Variants in LAMA2 observed in about 807,000 individuals in gnomAD.
LAMA2 encodes laminin subunit alpha-2.
A neutral mutation model predicts 364.8 loss-of-function variants in LAMA2; 269 were observed. That is an observed-to-expected ratio of 0.74 (90% CI 0.67 to 0.82). The LOEUF (loss-of-function observed/expected upper bound fraction) is 0.82, where lower values mean the gene tolerates loss of function less well. Ranked by LOEUF, LAMA2 falls within the 40% of genes least tolerant of loss-of-function variation. LAMA2 has a pLI of 0.00. For synonymous variants in LAMA2, 1,379 were observed against 1,370.6 expected (o/e 1.01, Z -0.14); for missense variants, 3,807 against 3,873.2 (o/e 0.98, Z 0.45).
At chr6:129,383,484 G>A (rs576163102) in intron 35 of LAMA2, among the ~76,000 whole-genome samples, 3 of 152,100 alleles carry the variant, frequency 2.0e-5, no homozygotes, top group Non-Finnish European at 2.9e-5. Flanking sequence ...TTGTAACATG[G>A]CTATTATAAT....
At chr6:129,445,453 T>C (rs971336058) in intron 44 of LAMA2, among the ~76,000 whole-genome samples, 1 of 152,214 alleles carries the variant, frequency 6.6e-6, no homozygotes, top group Non-Finnish European at 1.5e-5. Flanking sequence ...AAAGAAAAAG[T>C]GGTGGCCCTC....
intron 12 of LAMA2, among the ~76,000 whole-genome samples, chr6:129,230,560 C>G (rs768772407): frequency 2.0e-5 from 3 of 151,844 alleles, no homozygotes; most frequent in Non-Finnish European, 2.9e-5. Flanking sequence ...AGTATGAGAA[C>G]ATGGGAGGAA....
At chr6:128,957,836 A>ATTTTTTTTTTTTTTTTTTTTTTTTTCCT (rs10652900) in intron 1 of LAMA2, among the ~76,000 whole-genome samples, 1 of 51,264 alleles carries the variant, frequency 2.0e-5, no homozygotes, top group Non-Finnish European at 3.4e-5. Context: ...TACTTCATGC[A>ATTTTTTTTTTTTTTTTTTTTTTTTTCCT]TTTTTTTTTT....
intron 1 of LAMA2, among the ~76,000 whole-genome samples, chr6:128,892,942 A>G (rs566248160): frequency 6.6e-6 from 1 of 151,984 alleles, no homozygotes; most frequent in Non-Finnish European, 1.5e-5. Flanking sequence ...TAAACTTGGG[A>G]ACGCTGGATT....
Position 128,981,579 on chromosome 6 carries a change from CAAAAAA to C in LAMA2, c.113-68321_113-68316del, listed in dbSNP as rs145266584. ...GCAATATGCGAAACCCCATCTCTAC[CAAAAAA>C]AAAAAAAAAAAAAAAAATTGCTGGG... On this transcript the variant is annotated intron_variant, in intron 1 of 64. Transcript: ENST00000421865. 1.8e-4 allele frequency among the ~76,000 whole-genome samples: 22 copies of C among 119,478 alleles called. No individual in the cohort carries two copies. In the East Asian group the frequency reaches 5.3e-3, roughly 29 times the overall value. The allele number at this position is 119,478 out of a possible 152,430, so 78.4% of individuals were successfully genotyped here.
At position 129,326,701 on chromosome 6, in the gene LAMA2, AATTTTATATACATATTT is replaced by A. The variant is rs1775311842; in HGVS notation, c.4177-1574_4177-1558del. ...TAACACAACAATTTTATATATATAT[AATTTTATATACATATTT>A]ATATATTATATATATTTTATATATT... On this transcript the variant is annotated intron_variant, in intron 28 of 64. Transcript: ENST00000421865. 2.7e-5 allele frequency among the ~76,000 whole-genome samples: 4 copies of A among 145,882 alleles called. No individual in the cohort carries two copies. In the South Asian group the frequency reaches 8.4e-4, roughly 31 times the overall value.
intron 28 of LAMA2, among the ~76,000 whole-genome samples, chr6:129,322,976 A>G (rs1775058369): frequency 6.6e-6 from 1 of 152,236 alleles, no homozygotes; most frequent in Admixed American, 6.5e-5. Flanking sequence ...TGTCATCTGC[A>G]TTAGTGGCTT....
chr6:128,922,769 A>G (rs1248358981), intron 1 of LAMA2, among the ~76,000 whole-genome samples: 1 of 152,174 alleles, frequency 6.6e-6, no homozygotes, highest in Non-Finnish European at 1.5e-5. Context: ...TGTTTTAGAC[A>G]TGAAGTCTTT....
At chr6:129,397,834 G>C (rs1779740600) in intron 37 of LAMA2, among the ~76,000 whole-genome samples, 2 of 151,720 alleles carry the variant, frequency 1.3e-5, no homozygotes, top group African/African-American at 4.8e-5. Context: ...CTACTCGGGA[G>C]GCTGAGGCAG....
rs893675588 is a variant in LAMA2, at chr6:128,883,244, C to A, written c.-2C>A. The A allele has an allele frequency of 2.6e-5, 40 of 1,551,156 alleles. No individual in the cohort carries two copies. Among genetic ancestry groups the A allele is most frequent in the Non-Finnish European group, 3.2e-5 (37 of 1,148,218 alleles). On this transcript the variant is annotated 5_prime_UTR_variant, in exon 1 of 65. Transcript: ENST00000421865. ...GAAGTGGATCCGGTCGCGGCCACTA[C>A]GATGCCGGGAGCCGCCGGGGTCCTC...
intron 12 of LAMA2, among the ~76,000 whole-genome samples, chr6:129,236,489 C>T (rs1264558424): frequency 2.0e-5 from 3 of 152,088 alleles, no homozygotes; most frequent in Admixed American, 6.6e-5. Context: ...CCTTATAAAA[C>T]ACTTTTTGCT....
intron 9 of LAMA2, among the ~76,000 whole-genome samples, chr6:129,174,975 A>G (rs79079043): frequency 0.037 from 5,591 of 152,300 alleles, 214 homozygotes; most frequent in East Asian, 0.15. Flanking sequence ...TGTTTAATAC[A>G]TGAAGTACTT....
rs1780088749 is a variant in LAMA2 at position 129,170,751 on chromosome 6, T to A, written c.1306+5076T>A. Among the ~76,000 whole-genome samples, 3 of 152,016 alleles carry A rather than the reference T, an allele frequency of 2.0e-5. No homozygotes were observed. In the South Asian group the frequency reaches 6.3e-4, roughly 32 times the overall value. On this transcript the variant is annotated intron_variant, in intron 9 of 64. Transcript: ENST00000421865. ...TCTTGTTGACTTTCTGTCTCGTTGA[T>A]CTGTCTAATGTTGACAGTGGGGTGT...
intron 1 of LAMA2, among the ~76,000 whole-genome samples, chr6:128,915,719 A>G (rs1368366606): frequency 2.0e-5 from 3 of 152,188 alleles, no homozygotes; most frequent in Middle Eastern, 6.3e-3. Context: ...TAAAAATTGT[A>G]TCACAATTTG....
intron 27 of LAMA2, among the ~76,000 whole-genome samples, chr6:129,319,116 A>G (rs982345749): frequency 6.6e-6 from 1 of 152,198 alleles, no homozygotes; most frequent in African/African-American, 2.4e-5. Flanking sequence ...TTATTTTGAA[A>G]CATTATCCTC....
At chr6:129,224,380 A>G (rs928106642) in intron 12 of LAMA2, among the ~76,000 whole-genome samples, 6 of 152,262 alleles carry the variant, frequency 3.9e-5, no homozygotes, top group African/African-American at 1.2e-4. Flanking sequence ...TTCCAACACT[A>G]TGTTGAATAG....
At chr6:129,224,012 T>C (rs1486490179) in intron 12 of LAMA2, among the ~76,000 whole-genome samples, 1 of 152,230 alleles carries the variant, frequency 6.6e-6, no homozygotes, top group Non-Finnish European at 1.5e-5. Flanking sequence ...GTGTCCTCTT[T>C]TATTTTGTTG....
intron 3 of LAMA2, among the ~76,000 whole-genome samples, chr6:129,066,221 AT>A (rs1224345512): frequency 6.8e-6 from 1 of 147,358 alleles, no homozygotes; most frequent in East Asian, 2.0e-4. Flanking sequence ...AATTTTTTGT[AT>A]TTTTAGTAGA....
chr6:128,984,682 A>G (rs550095200), intron 1 of LAMA2, among the ~76,000 whole-genome samples: 29 of 150,492 alleles, frequency 1.9e-4, no homozygotes, highest in Non-Finnish European at 4.0e-4. Flanking sequence ...CAATGGGAAG[A>G]GAGATTTCTC....
Sources: gnomAD v4.1 joint callset for allele counts (sites outside exome capture counted in the v4.1 genomes callset) on GRCh38, gnomAD v4.1.1 for gene constraint, MANE v1.5 for transcripts, NCBI Gene and HGNC (gene_info 2026-07-23, HGNC 2026-07-21) for gene names.